NUP43: variants seen among roughly 807,000 people sequenced by gnomAD.
NUP43 encodes nucleoporin Nup43.
In NUP43, 32 loss-of-function variants were observed where a neutral mutation model predicts 47.3. The ratio of observed to expected loss-of-function variants is 0.68; its 90% CI spans 0.51 to 0.91. The LOEUF (loss-of-function observed/expected upper bound fraction) is 0.91, where lower values mean the gene tolerates loss of function less well. NUP43 is among the 40% of genes least tolerant of loss of function. The pLI, the probability that NUP43 is intolerant of heterozygous loss-of-function variation, is 0.00. For missense variants in NUP43, 444 were observed against 453.9 expected, an observed-to-expected ratio of 0.98 and a Z score of 0.20; for synonymous variants, 147 against 158.4, an observed-to-expected ratio of 0.93 and a Z score of 0.54.
chr6:149,744,836 CA>C (rs1283718956), intron 2 of NUP43, among the ~76,000 whole-genome samples: 118 of 137,784 alleles, frequency 8.6e-4, no homozygotes, highest in East Asian at 4.5e-3. Flanking sequence ...ACTTCGTCTC[CA>C]AAAAAAAAAA....
rs906531850 is a variant in NUP43 at position 149,736,751 on chromosome 6, C to G, written c.639-129G>C. On this transcript the variant is annotated intron_variant, in intron 5 of 7. Coordinates refer to ENST00000340413, the MANE Select transcript of NUP43 (RefSeq NM_198887.3). ...TTACCCAGGCTGGAATGCAGCGCTG[C>G]AATCATTGCTTACTGTAGGCTCAAA... 4 of 715,466 alleles carry G rather than the reference C, an allele frequency of 5.6e-6. No homozygotes were observed. The African/African-American group carries it at 7.0e-5, about 13-fold the overall frequency. The allele number at this position is 715,466 out of a possible 1,614,324, so 44.3% of individuals were successfully genotyped here. A position where few individuals can be genotyped will look rare whatever the true frequency, so the allele number is the denominator to read the frequency against.
At position 149,727,169 on chromosome 6, in the gene NUP43, T is replaced by C; in HGVS notation, c.943A>G (p.Ser315Gly). 2.5e-6 allele frequency: 4 copies of C among 1,613,978 alleles called. No individual in the cohort carries two copies. The highest frequency in any genetic ancestry group is 3.4e-6 in the Non-Finnish European group (4 of 1,179,940). ...TGAACATTAGCTTGGTTACTAATGC[T>C]ATGAGACAAAAAAGTACTGCTTCTT... ...GGRSSTFLSHSISNQANVHQS... is the reference protein window; with the variant it reads ...GGRSSTFLSHGISNQANVHQS... The change falls in exon 8 of 8, where the codon AGC (serine) becomes GGC (glycine). Residue 315 changes from serine (S) to glycine (G), a missense_variant. Ser to Gly is a moderately conservative substitution (Grantham distance 56, BLOSUM62 0). Coordinates refer to ENST00000340413, the MANE Select transcript of NUP43 (RefSeq NM_198887.3).
At chr6:149,732,183 G>GAAA (rs11430528) in intron 6 of NUP43, among the ~76,000 whole-genome samples, 5 of 107,360 alleles carry the variant, frequency 4.7e-5, no homozygotes, top group African/African-American at 1.4e-4. Context: ...CACTGTCTGA[G>GAAA]AAAAAAAAAA....
At chr6:149,731,489 G>C (rs1785035939) in intron 7 of NUP43, 124 bp downstream of exon 7, 1 of 762,090 alleles carries the variant, frequency 1.3e-6, no homozygotes, top group East Asian at 3.0e-5. Context: ...CTTGAACCCA[G>C]GAGGCGGAGG....
intron 6 of NUP43, among the ~76,000 whole-genome samples, chr6:149,732,113 C>T (rs1449532637): frequency 2.1e-5 from 3 of 142,284 alleles, no homozygotes; most frequent in Non-Finnish European, 3.0e-5. Context: ...ACCTGGGAGG[C>T]GGAGGTTGCA....
chr6:149,745,590 T>C (rs778184905), intron 2 of NUP43, among the ~76,000 whole-genome samples: 1 of 152,200 alleles, frequency 6.6e-6, no homozygotes, highest in African/African-American at 2.4e-5. Context: ...ATCTGTCACA[T>C]AGTACATGCT....
chr6:149,749,220 G>C, upstream of NUP43: 1 of 152,202 alleles, frequency 6.6e-6, no homozygotes, highest in East Asian at 1.9e-4. Context: ...CAAAGCCAGA[G>C]GCCGGTGTAC....
At chr6:149,738,612 T>C in intron 5 of NUP43, 31 bp downstream of exon 5, 5 of 1,480,398 alleles carry the variant, frequency 3.4e-6, no homozygotes, top group Non-Finnish European at 4.5e-6. Context: ...ATTTGTGGAT[T>C]ACATTACTGA....
chr6:149,740,610 A>G (rs904805613), intron 4 of NUP43, among the ~76,000 whole-genome samples: 5 of 152,190 alleles, frequency 3.3e-5, no homozygotes, highest in African/African-American at 1.2e-4. Flanking sequence ...GCCTGGTGAC[A>G]GAGCGTGACT....
At position 149,731,602 on chromosome 6, in the gene NUP43, A is replaced by G; in HGVS notation, c.913+11T>C. ...AAAGTACACATAACAGTATTCATTA[A>G]AAAGTTTTACCTTGGTGAAAGAGTG... On this transcript the variant is annotated intron_variant, in intron 7 of 7. Coordinates refer to ENST00000340413, the MANE Select transcript of NUP43 (RefSeq NM_198887.3). 1 of 1,608,766 alleles carries G rather than the reference A, an allele frequency of 6.2e-7. No individual in the cohort carries two copies. The highest frequency in any genetic ancestry group is 8.5e-7 in the Non-Finnish European group (1 of 1,178,224).
At chr6:149,736,088 A>C (rs1364069128) in intron 6 of NUP43, among the ~76,000 whole-genome samples, 1 of 151,626 alleles carries the variant, frequency 6.6e-6, no homozygotes, top group Non-Finnish European at 1.5e-5. Flanking sequence ...GACCAGCCTG[A>C]CCAACATGGA....
At chr6:149,727,653 T>G in intron 7 of NUP43, 2 of 798,126 alleles carry the variant, frequency 2.5e-6, no homozygotes, top group Non-Finnish European at 3.0e-6. Flanking sequence ...TAGAAATATA[T>G]TTCTAAATAT....
chr6:149,727,794 C>T (rs1784859562), intron 7 of NUP43: 1 of 983,896 alleles, frequency 1.0e-6, no homozygotes, highest in African/African-American at 1.7e-5. Flanking sequence ...TCTAACAGCG[C>T]ACTGTACTTA....
intron 5 of NUP43, 46 bp downstream of exon 5, chr6:149,738,597 C>T: frequency 1.4e-6 from 2 of 1,388,698 alleles, no homozygotes; most frequent in Non-Finnish European, 1.9e-6. Flanking sequence ...CAACCTAACA[C>T]ATTAATTTGT....
Position 149,736,553 on chromosome 6 carries a change from A to C in NUP43, c.708T>G (p.Gly236=), listed in dbSNP as rs749148917. ...HPNQQHVVAT[G]GQDGMLSIWD... ...AAATACTCAACATTCCATCTTGGCC[A>C]CCAGTAGCTACAACATGCTGTTGGT... The change falls in exon 6 of 8, where the codon GGT becomes GGG. Residue 236 remains glycine, a synonymous_variant. Transcript: ENST00000340413. 6 of 1,611,920 alleles carry C rather than the reference A, an allele frequency of 3.7e-6. No individual in the cohort carries two copies. In the South Asian group the frequency reaches 4.4e-5, roughly 12 times the overall value.
At chr6:149,744,048 C>G (rs1205360543) in intron 2 of NUP43, among the ~76,000 whole-genome samples, 1 of 151,804 alleles carries the variant, frequency 6.6e-6, no homozygotes, top group African/African-American at 2.4e-5. Context: ...CCTAGGTGGA[C>G]GGATCACTTG....
At chr6:149,730,011 C>CTT (rs748964252) in intron 7 of NUP43, among the ~76,000 whole-genome samples, 38 of 142,042 alleles carry the variant, frequency 2.7e-4, no homozygotes, top group African/African-American at 8.0e-4. Flanking sequence ...AAAGCACGCC[C>CTT]TTTTTTTTTT....
chr6:149,740,811 T>A (rs1050908266), intron 4 of NUP43, among the ~76,000 whole-genome samples: 2 of 152,196 alleles, frequency 1.3e-5, no homozygotes, highest in African/African-American at 4.8e-5. Flanking sequence ...TTCTGTGATT[T>A]TGCATTACAG....
At position 149,739,270 on chromosome 6, in the gene NUP43, G is replaced by A. The variant is rs183902171; in HGVS notation, c.503-492C>T. 2.4e-3 allele frequency among the ~76,000 whole-genome samples: 359 copies of A among 151,836 alleles called. 4 individuals carry two copies. Among genetic ancestry groups the A allele is most frequent in the African/African-American group, 8.5e-3 (351 of 41,428 alleles). On this transcript the variant is annotated intron_variant, in intron 4 of 7. Coordinates refer to ENST00000340413, the MANE Select transcript of NUP43 (RefSeq NM_198887.3). Reference sequence around the variant, plus strand: ...TGGGATTACAGGCTTGAGCCACCACGCCTGGCCTACTGTTTTCTTTTTCTT... The same window carrying A: ...TGGGATTACAGGCTTGAGCCACCACACCTGGCCTACTGTTTTCTTTTTCTT...
Sources: gnomAD v4.1 joint callset for allele counts (sites outside exome capture counted in the v4.1 genomes callset) on GRCh38, gnomAD v4.1.1 for gene constraint, MANE v1.5 for transcripts, NCBI Gene and HGNC (gene_info 2026-07-23, HGNC 2026-07-21) for gene names.